LIX1: variants seen among roughly 807,000 people sequenced by gnomAD.
LIX1 encodes protein limb expression 1 homolog.
LIX1 carries 24 observed loss-of-function variants against 33.4 expected under a neutral mutation model. The observed-to-expected ratio is 0.72, with a 90% CI of 0.52 to 1.01. The LOEUF is 1.01. Ranked by LOEUF, LIX1 falls within the 50% of genes least tolerant of loss-of-function variation. LIX1 has a pLI of 0.00. For synonymous variants in LIX1, 124 were observed against 124.0 expected (o/e 1.00, Z 0.00); for missense variants, 311 against 339.2 (o/e 0.92, Z 0.65).
intron 1 of LIX1, among the ~76,000 whole-genome samples, chr5:97,129,186 G>A (rs551194714): frequency 1.3e-5 from 2 of 151,946 alleles, no homozygotes; most frequent in East Asian, 1.9e-4. Flanking sequence ...ACTGTCTATT[G>A]TCTTCTTGAA....
At chr5:97,140,498 C>T (rs1483677631) in intron 1 of LIX1, among the ~76,000 whole-genome samples, 3 of 152,164 alleles carry the variant, frequency 2.0e-5, no homozygotes, top group Non-Finnish European at 2.9e-5. Flanking sequence ...TTTTTACAGG[C>T]TGCCAATAGG....
At chr5:97,136,232 G>T (rs191503935) in intron 1 of LIX1, among the ~76,000 whole-genome samples, 23 of 152,312 alleles carry the variant, frequency 1.5e-4, no homozygotes, top group Admixed American at 2.6e-4. Flanking sequence ...AGCTCTAGCC[G>T]AGAGGGTGTG....
At chr5:97,137,771 T>A (rs533982269) in intron 1 of LIX1, among the ~76,000 whole-genome samples, 7 of 152,318 alleles carry the variant, frequency 4.6e-5, no homozygotes, top group South Asian at 4.1e-4. Flanking sequence ...TGGAATGCAA[T>A]GCAATATGTA....
chr5:97,097,764 A>T (rs570533650), intron 4 of LIX1, among the ~76,000 whole-genome samples: 2 of 152,228 alleles, frequency 1.3e-5, no homozygotes, highest in African/African-American at 4.8e-5. Context: ...AATAGATCAA[A>T]TCAAAATGGA....
At chr5:97,115,607 T>G (rs1045721089) in intron 2 of LIX1, among the ~76,000 whole-genome samples, 1 of 152,214 alleles carries the variant, frequency 6.6e-6, no homozygotes. Flanking sequence ...CAACAGACTT[T>G]CTACAGTTAT....
At chr5:97,122,810 C>T (rs1187006639) in intron 2 of LIX1, among the ~76,000 whole-genome samples, 1 of 152,166 alleles carries the variant, frequency 6.6e-6, no homozygotes, top group African/African-American at 2.4e-5. Context: ...TAGGAAGGAG[C>T]CCTCTAAATC....
At chr5:97,110,306 A>C (rs1156500904) in intron 2 of LIX1, among the ~76,000 whole-genome samples, 1 of 152,252 alleles carries the variant, frequency 6.6e-6, no homozygotes, top group Non-Finnish European at 1.5e-5. Context: ...ATTAAAACAA[A>C]CACAAATTAA....
At chr5:97,105,593 G>A (rs1017317014) in intron 3 of LIX1, among the ~76,000 whole-genome samples, 4 of 152,234 alleles carry the variant, frequency 2.6e-5, no homozygotes, top group African/African-American at 4.8e-5. Context: ...AACTGCCTTC[G>A]TTGGCTATTG....
rs114470130 is a variant in LIX1, at chr5:97,123,359, C to T, written c.246+1107G>A. Among the ~76,000 whole-genome samples, 505 of 152,278 alleles carry T rather than the reference C, an allele frequency of 3.3e-3. 7 individuals are homozygous for T. Among genetic ancestry groups the T allele is most frequent in the African/African-American group, 0.012 (483 of 41,558 alleles). On this transcript the variant is annotated intron_variant, in intron 2 of 5. Coordinates refer to ENST00000274382, the MANE Select transcript of LIX1 (RefSeq NM_153234.5). ...TCTTCGTCCTCACCTTTCACATACC[C>T]GCTCCACTTCCTCCTGTGTTTCCCA...
At chr5:97,138,475 T>C (rs141932111) in intron 1 of LIX1, among the ~76,000 whole-genome samples, 16 of 152,288 alleles carry the variant, frequency 1.1e-4, no homozygotes, top group African/African-American at 3.8e-4. Context: ...CCAATGTCAA[T>C]ATAAACTTTT....
chr5:97,094,845 ATTTC>A lies in LIX1; in HGVS notation c.748_751del (p.Glu250TyrfsTer2), dbSNP rs1746265873. 1 of 1,614,070 alleles carries A rather than the reference ATTTC, an allele frequency of 6.2e-7. No homozygotes were observed. The highest frequency in any genetic ancestry group is 2.2e-5 in the East Asian group (1 of 44,886). ...GATCTGAGTCAGGGCTAAGCTCAAT[ATTTC>A]TTTCTTTTCTTTGTAAAACCGTAGT... is the stretch of plus-strand genomic sequence containing the variant. On this transcript the variant is annotated frameshift_variant, in exon 6 of 6. Transcript: ENST00000274382. LOFTEE classifies it high-confidence loss of function.
intron 1 of LIX1, among the ~76,000 whole-genome samples, chr5:97,124,903 G>T (rs772271683): frequency 6.6e-6 from 1 of 151,896 alleles, no homozygotes; most frequent in Non-Finnish European, 1.5e-5. Flanking sequence ...AGTGGTTTTG[G>T]TACCCTAATT....
At chr5:97,111,085 C>T (rs1411901826) in intron 2 of LIX1, among the ~76,000 whole-genome samples, 2 of 152,162 alleles carry the variant, frequency 1.3e-5, no homozygotes, top group African/African-American at 2.4e-5. Flanking sequence ...TGGAGGACTA[C>T]TGTCCAAGGG....
At chr5:97,129,543 C>T (rs936149650) in intron 1 of LIX1, among the ~76,000 whole-genome samples, 1 of 151,982 alleles carries the variant, frequency 6.6e-6, no homozygotes, top group Non-Finnish European at 1.5e-5. Flanking sequence ...TTATCATTCA[C>T]ATCCTACAAA....
At chr5:97,100,477 A>G (rs10040032) in intron 4 of LIX1, among the ~76,000 whole-genome samples, 2,405 of 152,262 alleles carry the variant, frequency 0.016, 58 homozygotes, top group African/African-American at 0.055. Context: ...CTGTAGAGAT[A>G]TTCATCTTGC....
intron 1 of LIX1, among the ~76,000 whole-genome samples, chr5:97,136,383 G>A (rs543401091): frequency 2.0e-5 from 3 of 152,158 alleles, no homozygotes; most frequent in Non-Finnish European, 4.4e-5. Flanking sequence ...TTATTTCATC[G>A]TAAAGGAGAA....
chr5:97,106,810 A>G (rs1410836159), intron 3 of LIX1, among the ~76,000 whole-genome samples: 2 of 152,244 alleles, frequency 1.3e-5, no homozygotes, highest in Non-Finnish European at 2.9e-5. Context: ...TGCTCTCTGA[A>G]GAGGTAATTG....
chr5:97,120,893 G>A (rs1387929757), intron 2 of LIX1, among the ~76,000 whole-genome samples: 1 of 152,108 alleles, frequency 6.6e-6, no homozygotes, highest in African/African-American at 2.4e-5. Context: ...TTCCCAGAAA[G>A]TAGTCCATAT....
intron 1 of LIX1, among the ~76,000 whole-genome samples, chr5:97,135,286 A>G (rs949013827): frequency 1.3e-5 from 2 of 152,232 alleles, no homozygotes; most frequent in African/African-American, 4.8e-5. Flanking sequence ...GAAGAAGGGG[A>G]AAAATTAATG....
Sources: allele counts gnomAD v4.1 joint callset (sites outside exome capture counted in the v4.1 genomes callset), GRCh38; gene constraint gnomAD v4.1.1; transcripts MANE v1.5; gene names NCBI Gene and HGNC (gene_info 2026-07-23, HGNC 2026-07-21).